The following PLXDC2 variants were observed in gnomAD, a reference collection of about 807,000 sequenced individuals.
PLXDC2 encodes plexin domain-containing protein 2.
A neutral mutation model predicts 68.9 loss-of-function variants in PLXDC2; 40 were observed. The observed-to-expected ratio is 0.58, with a 90% CI of 0.45 to 0.76. PLXDC2 has a LOEUF of 0.76. Among genes scored for constraint, PLXDC2 ranks in the 30% least tolerant of loss-of-function variants. The probability of loss-of-function intolerance (pLI) is 0.00; values close to 1 mark genes in which losing one functional copy is unlikely to be tolerated. For synonymous variants in PLXDC2, 243 were observed against 234.2 expected (o/e 1.04, Z -0.34); for missense variants, 644 against 661.9 (o/e 0.97, Z 0.30).
chr10:19,924,620 T>TA (rs1833509194), intron 1 of PLXDC2, among the ~76,000 whole-genome samples: 1 of 152,126 alleles, frequency 6.6e-6, no homozygotes, highest in African/African-American at 2.4e-5. Flanking sequence ...CAGATAGAGT[T>TA]AAAAAATAGA....
chr10:19,861,997 A>C (rs1837328317), intron 1 of PLXDC2, among the ~76,000 whole-genome samples: 1 of 152,178 alleles, frequency 6.6e-6, no homozygotes, highest in Non-Finnish European at 1.5e-5. Flanking sequence ...CTAAACTCTA[A>C]ATATAGGAGA....
chr10:20,136,049 T>C (rs1461646795), intron 4 of PLXDC2, among the ~76,000 whole-genome samples: 3 of 152,154 alleles, frequency 2.0e-5, no homozygotes, highest in Non-Finnish European at 4.4e-5. Context: ...TATTTGGTGA[T>C]TGACAATATT....
intron 4 of PLXDC2, among the ~76,000 whole-genome samples, chr10:20,127,424 T>A (rs971792625): frequency 6.6e-6 from 1 of 152,202 alleles, no homozygotes; most frequent in African/African-American, 2.4e-5. Flanking sequence ...CAATAAAATT[T>A]GTTTTGTAAA....
At chr10:20,201,274 A>C (rs1022788361) in intron 9 of PLXDC2, among the ~76,000 whole-genome samples, 1 of 152,094 alleles carries the variant, frequency 6.6e-6, no homozygotes, top group African/African-American at 2.4e-5. Flanking sequence ...TGTTTCACTG[A>C]TTTGAAGTCC....
At chr10:20,117,665 G>T (rs1833639427) in intron 4 of PLXDC2, among the ~76,000 whole-genome samples, 1 of 152,076 alleles carries the variant, frequency 6.6e-6, no homozygotes, top group Non-Finnish European at 1.5e-5. Context: ...GAATAGGATG[G>T]AATTTTCAAA....
intron 4 of PLXDC2, among the ~76,000 whole-genome samples, chr10:20,082,699 A>T (rs1836590772): frequency 6.6e-6 from 1 of 152,210 alleles, no homozygotes; most frequent in Non-Finnish European, 1.5e-5. Flanking sequence ...ACTCGTAAAA[A>T]TGTATCTTGT....
chr10:19,890,223 A>T (rs547581917), intron 1 of PLXDC2, among the ~76,000 whole-genome samples: 3 of 151,946 alleles, frequency 2.0e-5, no homozygotes, highest in African/African-American at 7.3e-5. Context: ...TTGTTAATTA[A>T]TTTTTTAAAA....
At chr10:20,087,590 C>A (rs1446222556) in intron 4 of PLXDC2, among the ~76,000 whole-genome samples, 1 of 152,178 alleles carries the variant, frequency 6.6e-6, no homozygotes, top group Non-Finnish European at 1.5e-5. Context: ...TGGAATTTTT[C>A]TTCCTCCAAT....
At chr10:20,051,402 A>ATG (rs1835897299) in intron 3 of PLXDC2, among the ~76,000 whole-genome samples, 1 of 3,408 alleles carries the variant, frequency 2.9e-4, no homozygotes. Flanking sequence ...TTAAATATAT[A>ATG]TATATATATA....
At chr10:19,966,078 A>G (rs972897926) in intron 1 of PLXDC2, among the ~76,000 whole-genome samples, 1 of 151,712 alleles carries the variant, frequency 6.6e-6, no homozygotes. Context: ...ATATAACTAT[A>G]GAACTGCAGG....
At chr10:19,847,063 C>A (rs1016837130) in intron 1 of PLXDC2, among the ~76,000 whole-genome samples, 3 of 152,098 alleles carry the variant, frequency 2.0e-5, no homozygotes, top group South Asian at 2.1e-4. Context: ...GTTACCTCCC[C>A]CCGGGTCCCT....
At chr10:19,834,671 C>A (rs1158667792) in intron 1 of PLXDC2, among the ~76,000 whole-genome samples, 4 of 152,160 alleles carry the variant, frequency 2.6e-5, no homozygotes, top group Non-Finnish European at 5.9e-5. Flanking sequence ...ACTGAGATGA[C>A]TGAATTAAAG....
At chr10:20,253,373 A>G (rs1264130001) in intron 13 of PLXDC2, among the ~76,000 whole-genome samples, 15 of 45,982 alleles carry the variant, frequency 3.3e-4, no homozygotes, top group East Asian at 2.5e-3. Context: ...TCAAAATGAT[A>G]ATAATAATAA....
intron 9 of PLXDC2, among the ~76,000 whole-genome samples, chr10:20,183,571 C>A (rs184597046): frequency 2.6e-5 from 4 of 151,954 alleles, no homozygotes; most frequent in Admixed American, 2.0e-4. Flanking sequence ...AATTGGGAGA[C>A]AGAAGGAGGA....
intron 3 of PLXDC2, among the ~76,000 whole-genome samples, chr10:20,052,612 A>G (rs908517887): frequency 1.3e-5 from 2 of 151,894 alleles, no homozygotes; most frequent in East Asian, 3.9e-4. Flanking sequence ...ATTTGGCTGG[A>G]AACAGGATTT....
At chr10:20,073,127 G>A (rs894926082) in intron 4 of PLXDC2, among the ~76,000 whole-genome samples, 2 of 152,128 alleles carry the variant, frequency 1.3e-5, no homozygotes, top group Admixed American at 6.6e-5. Flanking sequence ...TTCTTTTTGT[G>A]TTTACAAATT....
chr10:19,923,085 G>C (rs150547411), intron 1 of PLXDC2, among the ~76,000 whole-genome samples: 1 of 151,986 alleles, frequency 6.6e-6, no homozygotes, highest in Admixed American at 6.6e-5. Flanking sequence ...AATCTCTTAA[G>C]TCATTTTATA....
intron 13 of PLXDC2, among the ~76,000 whole-genome samples, chr10:20,263,213 G>A (rs185222886): frequency 1.2e-4 from 18 of 152,166 alleles, no homozygotes; most frequent in Admixed American, 9.2e-4. Flanking sequence ...ACACATCTAC[G>A]ACCATCATTT....
At chr10:19,824,716 T>C (rs1339645288) in intron 1 of PLXDC2, among the ~76,000 whole-genome samples, 1 of 152,230 alleles carries the variant, frequency 6.6e-6, no homozygotes, top group Non-Finnish European at 1.5e-5. Context: ...TATTGTGTTA[T>C]ACATTAACAG....
Sources: allele counts gnomAD v4.1 joint callset (sites outside exome capture counted in the v4.1 genomes callset), GRCh38; gene constraint gnomAD v4.1.1; transcripts MANE v1.5; gene names NCBI Gene and HGNC (gene_info 2026-07-23, HGNC 2026-07-21).